Variants in ABCA13 observed in about 807,000 individuals in gnomAD.
ABCA13 encodes ATP-binding cassette sub-family A member 13.
Under a neutral mutation model 478.7 loss-of-function variants are expected in ABCA13, and 476 were observed. The observed-to-expected ratio is 0.99, with a 90% CI of 0.92 to 1.07. The LOEUF (loss-of-function observed/expected upper bound fraction) is 1.07. ABCA13 is among the 50% of genes least tolerant of loss of function. The pLI, the probability that ABCA13 is intolerant of heterozygous loss-of-function variation, is 0.00. For synonymous variants in ABCA13, 2,252 were observed against 2,158.9 expected (o/e 1.04, Z -1.20); for missense variants, 6,060 against 5,910.6 (o/e 1.03, Z -0.83).
chr7:48,371,601 G>T (rs1043543908), intron 32 of ABCA13, among the ~76,000 whole-genome samples: 1 of 152,052 alleles, frequency 6.6e-6, no homozygotes, highest in African/African-American at 2.4e-5. Context: ...TTTCCTGTTG[G>T]TGTATAGGAA....
At chr7:48,482,007 T>G (rs182542305) in intron 46 of ABCA13, among the ~76,000 whole-genome samples, 1 of 152,176 alleles carries the variant, frequency 6.6e-6, no homozygotes, top group Non-Finnish European at 1.5e-5. Flanking sequence ...ATCTAGTGAG[T>G]GGAAGACAAA....
rs1426571029 is a variant in ABCA13 at position 48,435,300 on chromosome 7, C to T, written c.12565+7429C>T. Among the ~76,000 whole-genome samples, 3 of 151,608 alleles carry T rather than the reference C, an allele frequency of 2.0e-5. No individual in the cohort carries two copies. The East Asian group carries it at 5.8e-4, about 29-fold the overall frequency. On this transcript the variant is annotated intron_variant, in intron 42 of 61. Transcript: ENST00000435803. ...AAATGATTTTCTTAATTTCTGTTTT[C>T]AGATTGTTCATTGCTAATGGAAGAA...
intron 48 of ABCA13, 44 bp downstream of exon 48, chr7:48,489,388 A>G (rs769757783): frequency 6.2e-6 from 9 of 1,460,598 alleles, no homozygotes; most frequent in Non-Finnish European, 8.4e-6. Flanking sequence ...CTTTCAAAAG[A>G]CAATGTTTTT....
intron 23 of ABCA13, among the ~76,000 whole-genome samples, chr7:48,301,157 AAGGAGGAAGGG>A (rs1437724313): frequency 2.0e-5 from 3 of 151,906 alleles, no homozygotes; most frequent in African/African-American, 7.2e-5. Context: ...CACAAATCTT[AAGGAGGAAGGG>A]AGAGGGCATT....
rs1325147147 is a variant in ABCA13, at chr7:48,272,671, T to A, written c.3005T>A (p.Phe1002Tyr). The A allele has an allele frequency of 5.0e-6, 8 of 1,612,826 alleles. No homozygotes were observed. The highest frequency in any genetic ancestry group is 6.8e-6 in the Non-Finnish European group (8 of 1,179,326). The stretch of plus-strand genomic sequence containing the variant: ...CACATTTTGGATATCATAAAACAAT[T>A]TAATTTCCAAAACATCAGTAAAGCA... ...SKHILDIIKQ[F>Y]NFQNISKAFA... Residue 1002 changes from phenylalanine (F) to tyrosine (Y), a missense_variant, in exon 17 of 62, where the codon TTT becomes TAT. This residue lies in a region of ABCA13 where 4,423 missense variants were observed against 4,309.1 expected (regional missense o/e 1.03). Transcript: ENST00000435803.
At chr7:48,269,897 G>C (rs1435728706) in intron 16 of ABCA13, among the ~76,000 whole-genome samples, 1 of 152,146 alleles carries the variant, frequency 6.6e-6, no homozygotes, top group Non-Finnish European at 1.5e-5. Context: ...CTATTAGTAG[G>C]AACAGAAGAA....
Position 48,313,230 on chromosome 7 carries a change from A to G in ABCA13, c.9680A>G (p.Gln3227Arg), listed in dbSNP as rs997388257. 5.0e-6 allele frequency: 8 copies of G among 1,607,822 alleles called. No individual in the cohort carries two copies. The highest frequency in any genetic ancestry group is 2.2e-5 in the South Asian group (2 of 89,782). Residue 3227 changes from glutamine to arginine, a missense_variant and splice_region_variant, in exon 25 of 62, where the codon CAG becomes CGG. Around this residue, in one of 3 missense-constraint regions of ABCA13, gnomAD observed 4,423 missense variants for 4,309.1 expected, o/e 1.03. Coordinates refer to ENST00000435803, the MANE Select transcript of ABCA13 (RefSeq NM_152701.5). ...TTGCTAGAAACCCTGGACTTTCAAC[A>G]GGTGTGTGTTTCATCTTTGTCCCTA... ...TALLETLDFQ[Q>R]VSQNVQARSS... is the part of the protein sequence containing the mutation.
chr7:48,600,315 A>G (rs1302809884), intron 58 of ABCA13, among the ~76,000 whole-genome samples: 1 of 150,342 alleles, frequency 6.7e-6, no homozygotes, highest in African/African-American at 2.4e-5. Flanking sequence ...TTTGAATAGG[A>G]GTGTTTCCTA....
intron 45 of ABCA13, 149 bp downstream of exon 45, chr7:48,471,748 T>C (rs1827526276): frequency 1.4e-6 from 1 of 716,702 alleles, no homozygotes; most frequent in East Asian, 2.7e-5. Flanking sequence ...AAAAGTTTTG[T>C]CACATAAAGT....
At chr7:48,198,151 G>A in intron 2 of ABCA13, 86 bp from the exon 3 acceptor site, 2 of 1,276,060 alleles carry the variant, frequency 1.6e-6, no homozygotes, top group South Asian at 3.4e-5. Context: ...ATAATATGAT[G>A]TTATATATTA....
intron 1 of ABCA13, among the ~76,000 whole-genome samples, chr7:48,181,801 T>A (rs1158479561): frequency 6.6e-6 from 1 of 152,234 alleles, no homozygotes; most frequent in Non-Finnish European, 1.5e-5. Context: ...CTAGCTCTTC[T>A]TTCTTCTTAG....
At chr7:48,394,178 T>C (rs969788527) in intron 38 of ABCA13, among the ~76,000 whole-genome samples, 1 of 152,070 alleles carries the variant, frequency 6.6e-6, no homozygotes, top group Admixed American at 6.5e-5. Flanking sequence ...AGGCCTACAA[T>C]TGTGTAATTT....
intron 48 of ABCA13, among the ~76,000 whole-genome samples, chr7:48,494,886 C>T (rs1468426840): frequency 2.0e-5 from 3 of 152,024 alleles, no homozygotes; most frequent in Admixed American, 1.3e-4. Context: ...GAATTATTGA[C>T]TTAAAGAACA....
intron 43 of ABCA13, among the ~76,000 whole-genome samples, chr7:48,463,458 G>A (rs930590566): frequency 5.9e-5 from 9 of 152,156 alleles, no homozygotes; most frequent in Non-Finnish European, 1.0e-4. Context: ...GGGGTCCAGC[G>A]AGAGAGGGGA....
intron 1 of ABCA13, among the ~76,000 whole-genome samples, chr7:48,178,193 C>T (rs1795141689): frequency 1.3e-5 from 2 of 152,116 alleles, no homozygotes; most frequent in South Asian, 4.1e-4. Flanking sequence ...TACACCCTCT[C>T]TCAAAGCACT....
chr7:48,244,781 T>C, intron 11 of ABCA13, 78 bp downstream of exon 11: 1 of 1,487,032 alleles, frequency 6.7e-7, no homozygotes. Context: ...GACTTGAAAC[T>C]GCCTGACACA....
chr7:48,543,321 C>T (rs919481324), intron 55 of ABCA13, among the ~76,000 whole-genome samples: 2 of 151,612 alleles, frequency 1.3e-5, no homozygotes, highest in African/African-American at 4.8e-5. Flanking sequence ...GAAAAGACTA[C>T]AATTACAATA....
intron 55 of ABCA13, among the ~76,000 whole-genome samples, chr7:48,566,930 A>G (rs1787127955): frequency 6.6e-6 from 1 of 152,136 alleles, no homozygotes; most frequent in Non-Finnish European, 1.5e-5. Flanking sequence ...TTCTCCGCAA[A>G]CATTCTACCG....
intron 15 of ABCA13, among the ~76,000 whole-genome samples, chr7:48,262,425 C>T (rs1312526490): frequency 6.6e-6 from 1 of 151,858 alleles, no homozygotes; most frequent in Non-Finnish European, 1.5e-5. Context: ...AGTCATGAGA[C>T]TTTGGGGGAT....
Sources: gnomAD v4.1 joint callset for allele counts (sites outside exome capture counted in the v4.1 genomes callset) on GRCh38, gnomAD v4.1.1 for gene constraint, gnomAD v4.1.1 regional missense constraint, MANE v1.5 for transcripts, NCBI Gene and HGNC (gene_info 2026-07-23, HGNC 2026-07-21) for gene names.